Variants in CCDC88A observed in about 807,000 individuals in gnomAD.
CCDC88A encodes coiled-coil and HOOK domain protein 88A, also known as girdin.
A neutral mutation model predicts 234.3 loss-of-function variants in CCDC88A; 54 were observed. That is an observed-to-expected ratio of 0.23 (90% CI 0.19 to 0.29). The LOEUF (loss-of-function observed/expected upper bound fraction) is 0.29, where lower values mean the gene tolerates loss of function less well. CCDC88A is among the 10% of genes least tolerant of loss of function. CCDC88A has a pLI of 1.00. For synonymous variants in CCDC88A, 753 were observed against 737.8 expected, an observed-to-expected ratio of 1.02 and a Z score of -0.33; for missense variants, 1,832 against 2,123.4, an observed-to-expected ratio of 0.86 and a Z score of 2.70.
intron 25 of CCDC88A, 114 bp downstream of exon 25, chr2:55,308,695 A>G (rs1211135676): frequency 8.2e-6 from 6 of 730,318 alleles, no homozygotes; most frequent in East Asian, 8.1e-5. Flanking sequence ...ATGATGTTAA[A>G]TTAAAAAGAA....
At chr2:55,365,778 G>C (rs1041534583) in intron 5 of CCDC88A, among the ~76,000 whole-genome samples, 67 of 152,120 alleles carry the variant, frequency 4.4e-4, no homozygotes, top group African/African-American at 1.4e-3. Context: ...CTAAAAAAGA[G>C]AAAGACTGTC....
chr2:55,297,384 T>TATATATAATATATATTATATATAAA, intron 29 of CCDC88A, among the ~76,000 whole-genome samples: 1 of 111,602 alleles, frequency 9.0e-6, no homozygotes, highest in South Asian at 2.3e-4. Flanking sequence ...TATATATAAA[T>TATATATAATATATATTATATATAAA]ATATATTATA....
At position 55,406,162 on chromosome 2, in the gene CCDC88A, A is replaced by G. The variant is rs954112895; in HGVS notation, c.164+12654T>C. 2.6e-3 allele frequency: 70 copies of G among 27,194 alleles called. 1 individual carries two copies. Among genetic ancestry groups the G allele is most frequent in the African/African-American group, 6.7e-3 (64 of 9,558 alleles). 1.7% of individuals were successfully genotyped at this position (27,194 alleles called of 1,614,324 possible). ...GGCAACAGAGTGAGACTCTGTCCTG[A>G]AAAAAAAAAAAAAAATACAAATTCT... is the stretch of plus-strand genomic sequence containing the variant. On this transcript the variant is annotated intron_variant, in intron 2 of 32. Coordinates refer to ENST00000436346, the MANE Select transcript of CCDC88A (RefSeq NM_001365480.1).
intron 2 of CCDC88A, among the ~76,000 whole-genome samples, chr2:55,401,849 T>C (rs1678759088): frequency 6.6e-6 from 1 of 152,084 alleles, no homozygotes; most frequent in African/African-American, 2.4e-5. Flanking sequence ...AAGCTAGCAG[T>C]AGGGCATGAT....
chr2:55,375,682 G>A (rs1558769233), intron 3 of CCDC88A, among the ~76,000 whole-genome samples: 1 of 151,082 alleles, frequency 6.6e-6, no homozygotes, highest in African/African-American at 2.4e-5. Flanking sequence ...CGCCTACCAC[G>A]ATGCCTGGCT....
At position 55,374,874 on chromosome 2, in the gene CCDC88A, G is replaced by T; in HGVS notation, c.283C>A (p.Gln95Lys). Residue 95 changes from glutamine to lysine, a missense_variant, in exon 4 of 33, where the codon CAG (glutamine) becomes AAG (lysine). Coordinates refer to ENST00000436346, the MANE Select transcript of CCDC88A (RefSeq NM_001365480.1). ...QIKFYYQETLQQLIMMSLPNV... is the reference protein window; with the variant it reads ...QIKFYYQETLKQLIMMSLPNV... ...GGCAACGACATCATGATCAATTGCT[G>T]CAAAGTCTCCTGTAAAAAAATATCC... 6.2e-7 allele frequency: 1 copy of T among 1,602,404 alleles called. No homozygotes were observed. The highest frequency in any genetic ancestry group is 8.5e-7 in the Non-Finnish European group (1 of 1,170,986).
At chr2:55,352,572 T>C (rs2104752506) in intron 8 of CCDC88A, among the ~76,000 whole-genome samples, 1 of 152,276 alleles carries the variant, frequency 6.6e-6, no homozygotes, top group African/African-American at 2.4e-5. Context: ...TATATCTCAA[T>C]AAGTCTTTTA....
chr2:55,374,766 T>C (rs748969001), intron 4 of CCDC88A, 48 bp downstream of exon 4: 47 of 1,156,758 alleles, frequency 4.1e-5, no homozygotes, highest in Non-Finnish European at 6.1e-5. Context: ...CATCATAGTA[T>C]TACACAAAGG....
At chr2:55,388,501 C>G (rs1167319435) in intron 3 of CCDC88A, 1 of 178,632 alleles carries the variant, frequency 5.6e-6, no homozygotes, top group Admixed American at 6.2e-5. Flanking sequence ...AGTCTAACAA[C>G]AAAATGTTAC....
chr2:55,341,766 G>A (rs1038005030), intron 12 of CCDC88A, among the ~76,000 whole-genome samples: 5 of 152,020 alleles, frequency 3.3e-5, no homozygotes, highest in African/African-American at 1.2e-4. Flanking sequence ...TTTTATGACT[G>A]ACAAATATTC....
Position 55,328,177 on chromosome 2 carries a change from A to G in CCDC88A, c.2997+117T>C. 1 of 806,690 alleles carries G rather than the reference A, an allele frequency of 1.2e-6. No homozygotes were observed. Among genetic ancestry groups the G allele is most frequent in the Non-Finnish European group, 1.9e-6 (1 of 517,702 alleles). The allele number at this position is 806,690 out of a possible 1,614,324, so 50.0% of individuals were successfully genotyped here. On this transcript the variant is annotated intron_variant, in intron 17 of 32. Transcript: ENST00000436346. This position sits in a 1 kb window ranked among gnomAD's most constrained non-coding sequence, Gnocchi z 4.3. ...ATATTCTCAAGTTTATGAAAAAGGAAGAAATAGACTAAATATCAATAAAAT... is the reference window on the plus strand; with the variant it reads ...ATATTCTCAAGTTTATGAAAAAGGAGGAAATAGACTAAATATCAATAAAAT...
chr2:55,329,470 C>T (rs1352488121), intron 16 of CCDC88A: 3 of 152,084 alleles, frequency 2.0e-5, no homozygotes, highest in Admixed American at 6.5e-5. Flanking sequence ...ACTTTGGTAT[C>T]GGCTGGAGTC....
At chr2:55,314,964 T>C (rs1682804142) in intron 22 of CCDC88A, 1 of 152,234 alleles carries the variant, frequency 6.6e-6, no homozygotes, top group Admixed American at 6.5e-5. Context: ...TTGACCCAAA[T>C]TGTGAGAATT....
chr2:55,376,883 G>A (rs1404065316), intron 3 of CCDC88A, among the ~76,000 whole-genome samples: 2 of 152,166 alleles, frequency 1.3e-5, no homozygotes, highest in Non-Finnish European at 2.9e-5. Context: ...CCAGGCTGGA[G>A]TGCAGTGGCG....
intron 16 of CCDC88A, chr2:55,329,774 T>C (rs1371998032): frequency 6.6e-6 from 1 of 152,250 alleles, no homozygotes; most frequent in Non-Finnish European, 1.5e-5. Flanking sequence ...ACTTTATTTA[T>C]TTAGAGACAG....
intron 2 of CCDC88A, among the ~76,000 whole-genome samples, chr2:55,411,890 T>C (rs1680561168): frequency 6.6e-6 from 1 of 150,540 alleles, no homozygotes; most frequent in Non-Finnish European, 1.5e-5. Context: ...GACCATGAAA[T>C]CTTGCTCCTA....
chr2:55,393,020 T>C (rs1050624521), intron 2 of CCDC88A, among the ~76,000 whole-genome samples: 2 of 152,162 alleles, frequency 1.3e-5, no homozygotes, highest in African/African-American at 4.8e-5. Flanking sequence ...TGATCTTTTC[T>C]ATCATTTTAG....
intron 17 of CCDC88A, among the ~76,000 whole-genome samples, chr2:55,326,376 C>G (rs1258276183): frequency 2.0e-5 from 3 of 151,996 alleles, no homozygotes; most frequent in Non-Finnish European, 4.4e-5. Context: ...TTACCTATAC[C>G]TCTTTGTCAT....
At chr2:55,395,593 A>G (rs951152242) in intron 2 of CCDC88A, among the ~76,000 whole-genome samples, 1 of 152,266 alleles carries the variant, frequency 6.6e-6, no homozygotes, top group Admixed American at 6.5e-5. Flanking sequence ...AATAAAAATA[A>G]GAATAAACAA....
Sources: gnomAD v4.1 joint callset for allele counts (sites outside exome capture counted in the v4.1 genomes callset) on GRCh38, gnomAD v4.1.1 for gene constraint, Gnocchi (gnomAD v3.1) non-coding constraint, MANE v1.5 for transcripts, NCBI Gene and HGNC (gene_info 2026-07-23, HGNC 2026-07-21) for gene names.